RELL1: variants seen among roughly 807,000 people sequenced by gnomAD.
RELL1 encodes the protein RELT-like protein 1.
In RELL1, 10 loss-of-function variants were observed where a neutral mutation model predicts 23.0. The ratio of observed to expected loss-of-function variants is 0.43; its 90% CI spans 0.27 to 0.74. The LOEUF is 0.74. Ranked by LOEUF, RELL1 falls within the 30% of genes least tolerant of loss-of-function variation. RELL1 has a pLI of 0.19. For synonymous variants in RELL1, 146 were observed against 146.8 expected (o/e 0.99, Z 0.04); for missense variants, 315 against 364.4 (o/e 0.86, Z 1.10).
At chr4:37,654,569 T>A (rs900320302) in intron 1 of RELL1, among the ~76,000 whole-genome samples, 4 of 152,272 alleles carry the variant, frequency 2.6e-5, no homozygotes, top group South Asian at 2.1e-4. Context: ...AGAAACACTG[T>A]ATCCCTTCTT....
At chr4:37,646,405 A>G (rs1268445983) in intron 3 of RELL1, among the ~76,000 whole-genome samples, 1 of 152,256 alleles carries the variant, frequency 6.6e-6, no homozygotes, top group East Asian at 1.9e-4. Flanking sequence ...GTAGACAAAC[A>G]GAAGCACAGC....
intron 6 of RELL1, among the ~76,000 whole-genome samples, chr4:37,596,932 G>A (rs932185223): frequency 6.6e-6 from 1 of 150,938 alleles, no homozygotes; most frequent in Non-Finnish European, 1.5e-5. Context: ...ATTTTTACTG[G>A]AGACAGGGTT....
intron 1 of RELL1, among the ~76,000 whole-genome samples, chr4:37,674,802 T>C (rs1362545888): frequency 3.3e-5 from 5 of 152,232 alleles, no homozygotes; most frequent in Non-Finnish European, 7.3e-5. Context: ...AACCAGATAA[T>C]GTTTACATCT....
At chr4:37,677,731 G>A (rs190038063) in intron 1 of RELL1, among the ~76,000 whole-genome samples, 1 of 152,274 alleles carries the variant, frequency 6.6e-6, no homozygotes, top group African/African-American at 2.4e-5. Context: ...AACACTATGA[G>A]AGCCCAAGGC....
rs1383321906 is a variant in RELL1, at chr4:37,648,755, G to C, written c.313+521C>G. Among the ~76,000 whole-genome samples the C allele has an allele frequency of 2.0e-5, 3 of 152,200 alleles. 1 individual carries two copies. Among genetic ancestry groups the C allele is most frequent in the Admixed American group, 2.0e-4 (3 of 15,298 alleles). ...ATTCCAATCACAAATATTTAAGATAGAACTCCCCCAGCAAAAGTAACACCA... is the reference window on the plus strand; with the variant it reads ...ATTCCAATCACAAATATTTAAGATACAACTCCCCCAGCAAAAGTAACACCA... On this transcript the variant is annotated intron_variant, in intron 2 of 6. Coordinates refer to ENST00000454158, the MANE Select transcript of RELL1 (RefSeq NM_001085400.2).
chr4:37,653,675 C>G lies in RELL1; in HGVS notation c.89-4175G>C, dbSNP rs147647978. 9.9e-3 allele frequency among the ~76,000 whole-genome samples: 1,511 copies of G among 152,290 alleles called. 7 individuals carry two copies. Among genetic ancestry groups the G allele is most frequent in the Non-Finnish European group, 0.016 (1,090 of 68,010 alleles). On this transcript the variant is annotated intron_variant, in intron 1 of 6. Transcript: ENST00000454158. The stretch of plus-strand genomic sequence containing the variant: ...GTGAGGTCTGTATCTCGTCCCCTTA[C>G]ATTTACACTCTACTCTCCCTGACCC...
At chr4:37,640,242 A>G (rs1401183130) in intron 3 of RELL1, among the ~76,000 whole-genome samples, 3 of 152,226 alleles carry the variant, frequency 2.0e-5, no homozygotes, top group Non-Finnish European at 4.4e-5. Flanking sequence ...TGGATGTCCA[A>G]ATGCATTTTC....
chr4:37,676,938 C>G (rs570999845), intron 1 of RELL1, among the ~76,000 whole-genome samples: 133 of 152,262 alleles, frequency 8.7e-4, no homozygotes, highest in African/African-American at 3.0e-3. Flanking sequence ...GTAGTCCCTC[C>G]CTCACCAAAC....
At chr4:37,605,301 A>C (rs1719160920) in intron 6 of RELL1, among the ~76,000 whole-genome samples, 1 of 152,166 alleles carries the variant, frequency 6.6e-6, no homozygotes, top group Non-Finnish European at 1.5e-5. Context: ...GTGACATCCC[A>C]GCATCAATGA....
At chr4:37,658,116 G>A (rs1233481391) in intron 1 of RELL1, among the ~76,000 whole-genome samples, 1 of 152,110 alleles carries the variant, frequency 6.6e-6, no homozygotes, top group Non-Finnish European at 1.5e-5. Flanking sequence ...GACAGAAGAG[G>A]GGACTTCAGC....
chr4:37,617,087 A>C (rs1208232248), intron 6 of RELL1, among the ~76,000 whole-genome samples: 1 of 152,208 alleles, frequency 6.6e-6, no homozygotes, highest in Non-Finnish European at 1.5e-5. Flanking sequence ...ATTCATGCTA[A>C]TCTAGGCTAA....
intron 1 of RELL1, among the ~76,000 whole-genome samples, chr4:37,684,440 C>T (rs1722331604): frequency 6.6e-6 from 1 of 152,002 alleles, no homozygotes; most frequent in Non-Finnish European, 1.5e-5. Context: ...AGAGGTCAAA[C>T]CAAACACACA....
chr4:37,660,854 AC>A (rs769661879), intron 1 of RELL1, among the ~76,000 whole-genome samples: 8 of 151,964 alleles, frequency 5.3e-5, no homozygotes, highest in South Asian at 4.1e-4. Context: ...ACACGGTGAA[AC>A]CCCGTCTCTA....
At chr4:37,659,809 A>G (rs1302477421) in intron 1 of RELL1, among the ~76,000 whole-genome samples, 1 of 152,106 alleles carries the variant, frequency 6.6e-6, no homozygotes, top group African/African-American at 2.4e-5. Context: ...AAATCCAAAC[A>G]GCTCTCAAAT....
downstream of RELL1, among the ~76,000 whole-genome samples, chr4:37,607,998 GT>G (rs1371236408): frequency 6.6e-6 from 1 of 152,118 alleles, no homozygotes; most frequent in Non-Finnish European, 1.5e-5. Context: ...ATCTATTATA[GT>G]GATCCGTGAT....
chr4:37,620,224 G>A (rs1052045152), intron 6 of RELL1, among the ~76,000 whole-genome samples: 7 of 152,072 alleles, frequency 4.6e-5, no homozygotes, highest in Admixed American at 2.0e-4. Flanking sequence ...CTTCTTTGTT[G>A]AATAATACCA....
chr4:37,590,757 T>C, downstream of RELL1: 1 of 1,613,850 alleles, frequency 6.2e-7, no homozygotes, highest in South Asian at 1.1e-5. Flanking sequence ...CGCCCTTCTC[T>C]GTGAGGAGAA....
At chr4:37,682,048 G>A (rs1003390569) in intron 1 of RELL1, among the ~76,000 whole-genome samples, 1 of 152,172 alleles carries the variant, frequency 6.6e-6, no homozygotes, top group Non-Finnish European at 1.5e-5. Flanking sequence ...GCTTACACAT[G>A]AGTGACTTTT....
At position 37,612,041 on chromosome 4, in the gene RELL1, G is replaced by A. The variant is rs763468055; in HGVS notation, c.*1305C>T. 3.9e-5 allele frequency among the ~76,000 whole-genome samples: 6 copies of A among 151,998 alleles called. No homozygotes were observed. Among genetic ancestry groups the A allele is most frequent in the Admixed American group, 3.9e-4 (6 of 15,264 alleles). On this transcript the variant is annotated 3_prime_UTR_variant, in exon 7 of 7. Coordinates refer to ENST00000454158, the MANE Select transcript of RELL1 (RefSeq NM_001085400.2). ...ATACAAAAAAAATAAGCCAAGCGTGGTGGTGGGCACCTGTAGTCCCAGCTA... is the reference window on the plus strand; with the variant it reads ...ATACAAAAAAAATAAGCCAAGCGTGATGGTGGGCACCTGTAGTCCCAGCTA...
Sources: gnomAD v4.1 joint callset for allele counts (sites outside exome capture counted in the v4.1 genomes callset) on GRCh38, gnomAD v4.1.1 for gene constraint, MANE v1.5 for transcripts, NCBI Gene and HGNC (gene_info 2026-07-23, HGNC 2026-07-21) for gene names.